DLGAP1: variants seen among roughly 807,000 people sequenced by gnomAD.
DLGAP1 encodes disks large-associated protein 1.
In DLGAP1, 11 loss-of-function variants were observed where a neutral mutation model predicts 90.8. The observed-to-expected ratio is 0.12, with a 90% CI of 0.08 to 0.20. The LOEUF (loss-of-function observed/expected upper bound fraction) is 0.20, where lower values mean the gene tolerates loss of function less well. DLGAP1 is among the 10% of genes least tolerant of loss of function. The probability of loss-of-function intolerance (pLI) is 1.00; values close to 1 mark genes in which losing one functional copy is unlikely to be tolerated. For missense variants in DLGAP1, 1,050 were observed against 1,333.8 expected, an observed-to-expected ratio of 0.79 and a Z score of 3.31; for synonymous variants, 558 against 540.7, an observed-to-expected ratio of 1.03 and a Z score of -0.44.
intron 5 of DLGAP1, among the ~76,000 whole-genome samples, chr18:3,792,080 G>A (rs1026024263): frequency 2.0e-4 from 30 of 152,160 alleles, no homozygotes; most frequent in African/African-American, 7.0e-4. Flanking sequence ...TGGTATCATC[G>A]CACTGCAGAA....
intron 1 of DLGAP1, among the ~76,000 whole-genome samples, chr18:4,298,615 G>A (rs376412140): frequency 2.0e-5 from 3 of 151,786 alleles, no homozygotes; most frequent in Non-Finnish European, 4.4e-5. Flanking sequence ...ACACTCTGGG[G>A]ACTGTTGTGG....
intron 1 of DLGAP1, among the ~76,000 whole-genome samples, chr18:4,181,377 C>T (rs1332070637): frequency 6.6e-6 from 1 of 152,116 alleles, no homozygotes; most frequent in Non-Finnish European, 1.5e-5. Flanking sequence ...TTTGATAAGA[C>T]ATGGACTAAC....
intron 10 of DLGAP1, among the ~76,000 whole-genome samples, chr18:3,511,289 T>C (rs2050527469): frequency 3.7e-3 from 3 of 802 alleles, no homozygotes; most frequent in Admixed American, 0.04. Flanking sequence ...GTTTTTTTTG[T>C]TTTGTTTTGT....
At chr18:4,351,864 T>C (rs762487274) in intron 1 of DLGAP1, among the ~76,000 whole-genome samples, 1 of 152,210 alleles carries the variant, frequency 6.6e-6, no homozygotes, top group Non-Finnish European at 1.5e-5. Context: ...AGTAAGAAGA[T>C]TGTTTAGGTA....
At chr18:4,239,156 T>C (rs1001133270) in intron 1 of DLGAP1, among the ~76,000 whole-genome samples, 34 of 152,182 alleles carry the variant, frequency 2.2e-4, no homozygotes, top group African/African-American at 8.2e-4. Flanking sequence ...TCATATCTTA[T>C]GGTTGCCAAG....
At chr18:4,119,364 G>A (rs531525009) in intron 2 of DLGAP1, among the ~76,000 whole-genome samples, 1 of 152,244 alleles carries the variant, frequency 6.6e-6, no homozygotes, top group African/African-American at 2.4e-5. Context: ...AAAGTGCTGG[G>A]ATTACAGGTG....
rs185786929 is a variant in DLGAP1, at chr18:3,616,938, C to T, written c.1592-34690G>A. On this transcript the variant is annotated intron_variant, in intron 7 of 12. Coordinates refer to ENST00000315677, the MANE Select transcript of DLGAP1 (RefSeq NM_004746.4). Reference sequence around the variant, plus strand: ...CTTTTACCAGTCAGCACATAAGTAGCCCAGCTGTCCTGAGGCTGCCATGCT... The same window carrying T: ...CTTTTACCAGTCAGCACATAAGTAGTCCAGCTGTCCTGAGGCTGCCATGCT... 2.9e-3 allele frequency among the ~76,000 whole-genome samples: 439 copies of T among 152,224 alleles called. 2 individuals carry two copies. Among genetic ancestry groups the T allele is most frequent in the Middle Eastern group, 6.8e-3 (2 of 294 alleles).
At chr18:3,649,010 A>T (rs1676800598) in intron 7 of DLGAP1, among the ~76,000 whole-genome samples, 1 of 152,316 alleles carries the variant, frequency 6.6e-6, no homozygotes, top group South Asian at 2.1e-4. Context: ...TTTTGGCTAT[A>T]CAGTTCAAAG....
intron 7 of DLGAP1, among the ~76,000 whole-genome samples, chr18:3,713,659 G>C (rs2061667041): frequency 6.6e-6 from 1 of 152,140 alleles, no homozygotes; most frequent in Non-Finnish European, 1.5e-5. Context: ...ATTTGCTTTA[G>C]GTCTTCCACT....
intron 2 of DLGAP1, among the ~76,000 whole-genome samples, chr18:4,068,808 G>C (rs1480588143): frequency 6.6e-6 from 1 of 152,178 alleles, no homozygotes; most frequent in African/African-American, 2.4e-5. Context: ...AGGAACTGGG[G>C]AGCACCTTAG....
At chr18:4,145,463 A>C (rs1281659106) in intron 2 of DLGAP1, among the ~76,000 whole-genome samples, 1 of 152,216 alleles carries the variant, frequency 6.6e-6, no homozygotes, top group Admixed American at 6.5e-5. Context: ...AGATTGATGA[A>C]ATATTCCAGC....
intron 3 of DLGAP1, among the ~76,000 whole-genome samples, chr18:3,880,668 C>T (rs983374874): frequency 4.0e-5 from 6 of 151,500 alleles, no homozygotes; most frequent in African/African-American, 9.7e-5. Flanking sequence ...GGAGGCCGGG[C>T]GCGGTGGCTC....
chr18:3,989,639 G>T (rs1343064496), intron 3 of DLGAP1, among the ~76,000 whole-genome samples: 1 of 152,052 alleles, frequency 6.6e-6, no homozygotes, highest in East Asian at 1.9e-4. Flanking sequence ...AAAAAACAAA[G>T]GACCAAACTA....
At chr18:4,241,829 A>G (rs1339338080) in intron 1 of DLGAP1, among the ~76,000 whole-genome samples, 4 of 152,242 alleles carry the variant, frequency 2.6e-5, no homozygotes, top group Non-Finnish European at 5.9e-5. Flanking sequence ...TGACAGGCCA[A>G]TGATACTGTT....
At chr18:4,117,084 G>A (rs1169541016) in intron 2 of DLGAP1, among the ~76,000 whole-genome samples, 9 of 152,126 alleles carry the variant, frequency 5.9e-5, no homozygotes, top group Non-Finnish European at 2.9e-5. Flanking sequence ...TCCAAAAAGA[G>A]GAGATTAGAT....
At chr18:3,984,703 G>A (rs2073806420) in intron 3 of DLGAP1, among the ~76,000 whole-genome samples, 1 of 151,926 alleles carries the variant, frequency 6.6e-6, no homozygotes, top group Non-Finnish European at 1.5e-5. Flanking sequence ...GCCTATTTAT[G>A]TTAGGCCAGT....
At chr18:4,047,497 A>C (rs2075071653) in intron 2 of DLGAP1, among the ~76,000 whole-genome samples, 1 of 152,252 alleles carries the variant, frequency 6.6e-6, no homozygotes, top group South Asian at 2.1e-4. Context: ...TAATTATGAA[A>C]TAAAGAATAT....
At chr18:3,714,810 T>C (rs541735338) in intron 7 of DLGAP1, among the ~76,000 whole-genome samples, 2 of 152,030 alleles carry the variant, frequency 1.3e-5, no homozygotes, top group East Asian at 3.9e-4. Context: ...AATTTTTGTA[T>C]TTTTTAGTAG....
At chr18:3,956,281 G>T (rs770099819) in intron 3 of DLGAP1, among the ~76,000 whole-genome samples, 1 of 152,176 alleles carries the variant, frequency 6.6e-6, no homozygotes, top group Non-Finnish European at 1.5e-5. Context: ...AATCTATACC[G>T]AAGAAAATGT....
Sources: allele counts gnomAD v4.1 joint callset (sites outside exome capture counted in the v4.1 genomes callset), GRCh38; gene constraint gnomAD v4.1.1; transcripts MANE v1.5; gene names NCBI Gene and HGNC (gene_info 2026-07-23, HGNC 2026-07-21).